PUS10: variants seen among roughly 807,000 people sequenced by gnomAD.
The protein encoded by PUS10 is pseudouridine synthase 10.
Under a neutral mutation model 75.0 loss-of-function variants are expected in PUS10, and 59 were observed. The observed-to-expected ratio is 0.79, with a 90% CI of 0.64 to 0.98. PUS10 has a LOEUF of 0.98. Among genes scored for constraint, PUS10 ranks in the 50% least tolerant of loss-of-function variants. The pLI is 0.00. For missense variants in PUS10, 650 were observed against 614.4 expected (o/e 1.06, Z -0.61); for synonymous variants, 219 against 211.6 (o/e 1.03, Z -0.30).
chr2:61,014,092 G>C (rs1193004971), intron 1 of PUS10, among the ~76,000 whole-genome samples: 2 of 151,910 alleles, frequency 1.3e-5, no homozygotes, highest in African/African-American at 2.4e-5. Flanking sequence ...TCCAACAAAA[G>C]GTCAGGCGCA....
In PUS10 at chr2:60,962,599, AT is replaced by A. The variant is rs199802839; in HGVS notation, c.788+226del. ...CAAAAAAATAAATAAATAAATAAGT[AT>A]TTTTTAAAAAAAAAAGACGTTAGAC... On this transcript the variant is annotated intron_variant, in intron 9 of 17. Coordinates refer to ENST00000316752, the MANE Select transcript of PUS10 (RefSeq NM_144709.4). 3.9e-3 allele frequency among the ~76,000 whole-genome samples: 585 copies of A among 150,898 alleles called. 4 individuals carry two copies. The highest frequency in any genetic ancestry group is 0.031 in the Middle Eastern group (9 of 292).
In PUS10 at chr2:61,018,118, G is replaced by A; in HGVS notation, c.-126C>T. On this transcript the variant is annotated 5_prime_UTR_variant, in exon 1 of 18. Transcript: ENST00000316752. ...TCTGGGTCTCTGTGCTTGAAAGAAA[G>A]GGGGGCGGCTTCCTACCTACCGCTT... The A allele has an allele frequency of 3.2e-6, 5 of 1,547,134 alleles. No homozygotes were observed. Among genetic ancestry groups the A allele is most frequent in the South Asian group, 1.2e-5 (1 of 83,876 alleles).
chr2:60,984,316 A>G (rs1363068180), intron 4 of PUS10, among the ~76,000 whole-genome samples: 2 of 152,234 alleles, frequency 1.3e-5, no homozygotes, highest in East Asian at 3.8e-4. Context: ...CCAGATGGCT[A>G]GTAAACATAT....
At position 61,010,614 on chromosome 2, in the gene PUS10, C is replaced by T. The variant is rs529739612; in HGVS notation, c.126+1151G>A. 1.4e-4 allele frequency: 98 copies of T among 677,670 alleles called. No individual in the cohort carries two copies. The Admixed American group carries it at 2.7e-3, about 19-fold the overall frequency. The allele number at this position is 677,670 out of a possible 1,614,324, so 42.0% of individuals were successfully genotyped here. A position where few individuals can be genotyped will look rare whatever the true frequency, so the allele number is the denominator to read the frequency against. On this transcript the variant is annotated intron_variant, in intron 2 of 17. Coordinates refer to ENST00000316752, the MANE Select transcript of PUS10 (RefSeq NM_144709.4). ...TGCTAGGATTACAGGCGTGAGCCAC[C>T]GCACCCAGCCAATTTCTGGTTTTCA...
At chr2:60,960,039 G>A (rs191811823) in intron 11 of PUS10, among the ~76,000 whole-genome samples, 6 of 150,930 alleles carry the variant, frequency 4.0e-5, no homozygotes, top group East Asian at 2.0e-4. Flanking sequence ...AAAAATAACC[G>A]AGCATGGTGG....
At chr2:61,006,483 T>G (rs1300955190) in intron 4 of PUS10, 74 bp downstream of exon 4, 2 of 1,102,900 alleles carry the variant, frequency 1.8e-6, no homozygotes, top group Non-Finnish European at 2.7e-6. Context: ...TAAGGAATAT[T>G]TCTACATTCC....
At chr2:60,952,421 C>A (rs1249996947) in intron 15 of PUS10, among the ~76,000 whole-genome samples, 3 of 151,360 alleles carry the variant, frequency 2.0e-5, no homozygotes, top group Non-Finnish European at 4.4e-5. Context: ...TGCACATGAA[C>A]AGGCACTCTA....
chr2:60,951,790 T>G (rs10174032), intron 15 of PUS10, among the ~76,000 whole-genome samples: 32,312 of 152,176 alleles, frequency 0.21, 3,640 homozygotes, highest in Middle Eastern at 0.37. Context: ...CATATCATCC[T>G]CTATAGAGTC....
chr2:60,959,081 C>G (rs1675851941), intron 11 of PUS10, among the ~76,000 whole-genome samples: 1 of 152,188 alleles, frequency 6.6e-6, no homozygotes. Context: ...TCCCATGAAC[C>G]TGGGCTCGTT....
intron 4 of PUS10, among the ~76,000 whole-genome samples, chr2:60,975,956 T>A (rs1677011279): frequency 6.6e-6 from 1 of 152,102 alleles, no homozygotes; most frequent in Non-Finnish European, 1.5e-5. Context: ...GAGACCGGGT[T>A]TCATCATGTT....
At position 60,965,204 on chromosome 2, in the gene PUS10, A is replaced by G; in HGVS notation, c.678-101T>C. On this transcript the variant is annotated intron_variant, in intron 7 of 17. Transcript: ENST00000316752. Reference sequence around the variant, plus strand: ...ACAAAATGGCTGCTAAACTCAGGACATCAGGAGCAGACAAAATGAGTCCCT... The same window carrying G: ...ACAAAATGGCTGCTAAACTCAGGACGTCAGGAGCAGACAAAATGAGTCCCT... 9.0e-6 allele frequency: 11 copies of G among 1,220,138 alleles called. No individual in the cohort carries two copies. The South Asian group carries it at 1.4e-4, about 15-fold the overall frequency. 75.6% of individuals were successfully genotyped at this position (1,220,138 alleles called of 1,614,324 possible). A position where few individuals can be genotyped will look rare whatever the true frequency, so the allele number is the denominator to read the frequency against.
rs1559006783 is a variant in PUS10 at position 61,012,867 on chromosome 2, AATAT to A, written c.-15-966_-15-963del. Among the ~76,000 whole-genome samples the A allele has an allele frequency of 2.7e-3, 74 of 27,728 alleles. 1 individual carries two copies. The highest frequency in any genetic ancestry group is 0.018 in the East Asian group (24 of 1,350). 18.2% of individuals were successfully genotyped at this position (27,728 alleles called of 152,430 possible). ...AAAAAAAAAAAAAAAAAAAAAAAAA[AATAT>A]ATATATATATATATATACACACACA... On this transcript the variant is annotated intron_variant, in intron 1 of 17. Coordinates refer to ENST00000316752, the MANE Select transcript of PUS10 (RefSeq NM_144709.4).
intron 8 of PUS10, 119 bp from the exon 9 acceptor site, chr2:60,963,009 T>C: frequency 7.2e-7 from 1 of 1,395,300 alleles, no homozygotes; most frequent in Non-Finnish European, 9.3e-7. Context: ...TTTCATATAC[T>C]TAACATGGAG....
chr2:61,008,497 AAAAG>A (rs1679386296), intron 3 of PUS10, among the ~76,000 whole-genome samples: 1 of 152,132 alleles, frequency 6.6e-6, no homozygotes, highest in Admixed American at 6.6e-5. Flanking sequence ...ATCTCAAAAA[AAAAG>A]AAAAAAAATT....
At chr2:60,956,299 C>G (rs965948309) in intron 11 of PUS10, among the ~76,000 whole-genome samples, 7 of 152,160 alleles carry the variant, frequency 4.6e-5, no homozygotes, top group Admixed American at 2.0e-4. Flanking sequence ...GTGCTAACAA[C>G]AGATGGATGG....
At chr2:60,951,931 C>A (rs2104217562) in intron 15 of PUS10, among the ~76,000 whole-genome samples, 2 of 152,252 alleles carry the variant, frequency 1.3e-5, no homozygotes, top group Admixed American at 1.3e-4. Context: ...AATATTAAAC[C>A]AGTTCCTTCT....
chr2:60,961,641 A>G (rs1676034418), intron 9 of PUS10, 93 bp from the exon 10 acceptor site: 1 of 1,061,294 alleles, frequency 9.4e-7, no homozygotes, highest in East Asian at 2.4e-5. Flanking sequence ...ACATACACAG[A>G]GCCCAAGTCT....
intron 17 of PUS10, among the ~76,000 whole-genome samples, chr2:60,943,977 A>T (rs900860739): frequency 2.2e-4 from 34 of 152,026 alleles, no homozygotes; most frequent in Non-Finnish European, 1.0e-4. Flanking sequence ...ACAACAACAA[A>T]AAAACGCCAG....
chr2:60,956,870 G>A (rs188113836), intron 11 of PUS10, among the ~76,000 whole-genome samples: 129 of 150,922 alleles, frequency 8.5e-4, no homozygotes, highest in Non-Finnish European at 1.2e-3. Context: ...AGCTACTTGG[G>A]AGGCTGAGGT....
Sources: allele counts gnomAD v4.1 joint callset (sites outside exome capture counted in the v4.1 genomes callset), GRCh38; gene constraint gnomAD v4.1.1; transcripts MANE v1.5; gene names NCBI Gene and HGNC (gene_info 2026-07-23, HGNC 2026-07-21).